Variants in NADSYN1 observed in about 807,000 individuals in gnomAD.
NADSYN1 encodes NAD synthetase 1.
Under a neutral mutation model 99.3 loss-of-function variants are expected in NADSYN1, and 80 were observed. The ratio of observed to expected loss-of-function variants is 0.81; its 90% CI spans 0.67 to 0.97. NADSYN1 has a LOEUF of 0.97. NADSYN1 is among the 50% of genes least tolerant of loss of function. The pLI is 0.00. For synonymous variants in NADSYN1, 385 were observed against 372.1 expected, an observed-to-expected ratio of 1.03 and a Z score of -0.40; for missense variants, 859 against 948.5, an observed-to-expected ratio of 0.91 and a Z score of 1.24.
rs566744638 is a variant in NADSYN1 at position 71,453,983 on chromosome 11, A to G, written c.85+602A>G. On this transcript the variant is annotated intron_variant, in intron 1 of 20. Transcript: ENST00000319023. ...AGCCGGGCGTGGTGGCCTCGAAGAT[A>G]GGGTGTGGTTGTTGAAAGGTCACCA... Among the ~76,000 whole-genome samples the G allele has an allele frequency of 6.6e-5, 10 of 152,260 alleles. No individual in the cohort carries two copies. The South Asian group carries it at 1.9e-3, about 28-fold the overall frequency.
In NADSYN1 at chr11:71,484,365, T is replaced by G; in HGVS notation, c.1373T>G (p.Phe458Cys). 1 of 1,614,224 alleles carries G rather than the reference T, an allele frequency of 6.2e-7. No homozygotes were observed. The change falls in exon 15 of 21, where the codon TTC (phenylalanine) becomes TGC (cysteine). Residue 458 changes from phenylalanine (F) to cysteine (C), a missense_variant. Coordinates refer to ENST00000319023, the MANE Select transcript of NADSYN1 (RefSeq NM_018161.5). ...DPAVKAVMGIFSLVTGKSPLF... is the reference protein window; with the variant it reads ...DPAVKAVMGICSLVTGKSPLF... The stretch of plus-strand genomic sequence containing the variant: ...GCCGTGAAGGCCGTCATGGGCATCT[T>G]CAGCCTGGTGACGGGGAAGAGCCCT...
intron 18 of NADSYN1, among the ~76,000 whole-genome samples, chr11:71,496,160 A>C (rs1949817255): frequency 6.6e-6 from 1 of 152,140 alleles, no homozygotes; most frequent in Admixed American, 6.5e-5. Context: ...AGCTACTGTC[A>C]CTAATGACCC....
rs776153671 is a variant in NADSYN1, at chr11:71,472,450, C to G, written c.409C>G (p.His137Asp). The change falls in exon 6 of 21, where the codon CAC becomes GAC. Residue 137 changes from histidine (H) to aspartate (D), a missense_variant and splice_region_variant. Transcript: ENST00000319023. ...RWFTPWSRSR[H>D]TEEYFLPRMI... ...GCTCCTCGGTGTTTTCCTCTCCAGG[C>G]ACACAGAGGAGTACTTTCTGCCTCG... 6.2e-7 allele frequency: 1 copy of G among 1,611,978 alleles called. No homozygotes were observed. Among genetic ancestry groups the G allele is most frequent in the Non-Finnish European group, 8.5e-7 (1 of 1,177,940 alleles).
chr11:71,494,483 C>T (rs1481839051), intron 18 of NADSYN1, among the ~76,000 whole-genome samples: 2 of 152,188 alleles, frequency 1.3e-5, no homozygotes, highest in Non-Finnish European at 2.9e-5. Flanking sequence ...TTTCTCAGAA[C>T]GTATCCCTGT....
intron 8 of NADSYN1, 130 bp downstream of exon 8, chr11:71,473,816 G>A: frequency 1.3e-6 from 1 of 762,486 alleles, no homozygotes; most frequent in South Asian, 1.6e-5. Flanking sequence ...TTATGGCCTG[G>A]ACTCAACAAG....
At chr11:71,475,873 C>G (rs1415595303) in intron 9 of NADSYN1, among the ~76,000 whole-genome samples, 1 of 152,140 alleles carries the variant, frequency 6.6e-6, no homozygotes, top group African/African-American at 2.4e-5. Context: ...CCATGCCCAG[C>G]TAATTTTTTT....
At chr11:71,465,033 G>T (rs1448409738) in intron 5 of NADSYN1, among the ~76,000 whole-genome samples, 1 of 152,144 alleles carries the variant, frequency 6.6e-6, no homozygotes, top group Non-Finnish European at 1.5e-5. Context: ...TACCAAGACA[G>T]TTGTAGGTAA....
At chr11:71,484,174 A>T (rs1949726833) in intron 14 of NADSYN1, 138 bp from the exon 15 acceptor site, 2 of 1,300,662 alleles carry the variant, frequency 1.5e-6, no homozygotes, top group Non-Finnish European at 2.1e-6. Context: ...AGCACTGTGG[A>T]TTGCTAAACA....
chr11:71,477,829 CCCT>C (rs1356862440), intron 9 of NADSYN1, among the ~76,000 whole-genome samples: 1 of 152,180 alleles, frequency 6.6e-6, no homozygotes, highest in Admixed American at 6.5e-5. Context: ...TCCAGCTCCG[CCCT>C]CCTCTGTGTT....
chr11:71,497,667 C>T (rs1949829524), intron 19 of NADSYN1, 56 bp downstream of exon 19: 1 of 1,609,866 alleles, frequency 6.2e-7, no homozygotes, highest in Admixed American at 1.7e-5. Context: ...GTCCCCTTTG[C>T]AGAGGCCGGT....
At chr11:71,494,320 G>T (rs1949804566) in intron 18 of NADSYN1, among the ~76,000 whole-genome samples, 1 of 152,088 alleles carries the variant, frequency 6.6e-6, no homozygotes, top group South Asian at 2.1e-4. Flanking sequence ...TGTTAGACTG[G>T]CCCAGAGTAT....
At chr11:71,491,645 A>G (rs1171892562) in intron 17 of NADSYN1, among the ~76,000 whole-genome samples, 189 bp from the exon 18 acceptor site, 2 of 152,032 alleles carry the variant, frequency 1.3e-5, no homozygotes, top group Non-Finnish European at 2.9e-5. Context: ...ACCAGTGCCC[A>G]CACTCCTCAG....
chr11:71,480,049 C>T (rs1483158116), intron 10 of NADSYN1: 3 of 152,302 alleles, frequency 2.0e-5, no homozygotes, highest in Middle Eastern at 3.2e-3. Context: ...CTGCTACAAA[C>T]ATACATGTAC....
rs754972037 is a variant in NADSYN1 at position 71,497,612 on chromosome 11, G to A, written c.1893+1G>A. 1 of 1,613,960 alleles carries A rather than the reference G, an allele frequency of 6.2e-7. No individual in the cohort carries two copies. Among genetic ancestry groups the A allele is most frequent in the Non-Finnish European group, 8.5e-7 (1 of 1,179,938 alleles). On this transcript the variant is annotated splice_donor_variant, in intron 19 of 20. Transcript: ENST00000319023. LOFTEE classifies it high-confidence loss of function. ...GAGACACATCTGCACCCCGAGACAG[G>A]TAAAGCCTGTGAGACGCATCACAGA...
intron 1 of NADSYN1, 42 bp from the exon 2 acceptor site, chr11:71,455,068 T>C (rs1949504113): frequency 6.8e-7 from 1 of 1,462,356 alleles, no homozygotes; most frequent in Admixed American, 1.7e-5. Flanking sequence ...AGTGTATAGG[T>C]GCTGAAATTG....
At chr11:71,470,720 T>G (rs1949621112) in intron 5 of NADSYN1, among the ~76,000 whole-genome samples, 1 of 152,190 alleles carries the variant, frequency 6.6e-6, no homozygotes, top group African/African-American at 2.4e-5. Flanking sequence ...GTTTTTTGAC[T>G]CCACATTCAG....
At chr11:71,493,778 A>G (rs1949800432) in intron 18 of NADSYN1, among the ~76,000 whole-genome samples, 2 of 152,316 alleles carry the variant, frequency 1.3e-5, no homozygotes, top group African/African-American at 4.8e-5. Context: ...GGCAGCTGAC[A>G]ATGTATTTGT....
At chr11:71,468,919 T>C (rs1485166467) in intron 5 of NADSYN1, among the ~76,000 whole-genome samples, 1 of 152,140 alleles carries the variant, frequency 6.6e-6, no homozygotes, top group Non-Finnish European at 1.5e-5. Flanking sequence ...TAACCAGAGA[T>C]GTGTAAGCCC....
intron 5 of NADSYN1, among the ~76,000 whole-genome samples, chr11:71,466,162 G>A (rs907492022): frequency 6.6e-6 from 1 of 152,126 alleles, no homozygotes; most frequent in African/African-American, 2.4e-5. Context: ...AATGGATGTT[G>A]AGTTTATCCC....
Sources: gnomAD v4.1 joint callset for allele counts (sites outside exome capture counted in the v4.1 genomes callset) on GRCh38, gnomAD v4.1.1 for gene constraint, MANE v1.5 for transcripts, NCBI Gene and HGNC (gene_info 2026-07-23, HGNC 2026-07-21) for gene names.